TTC39B: variants seen among roughly 807,000 people sequenced by gnomAD.
TTC39B encodes tetratricopeptide repeat domain 39B.
In TTC39B, 92 loss-of-function variants were observed where a neutral mutation model predicts 96.6. That is an observed-to-expected ratio of 0.95 (90% CI 0.80 to 1.13). TTC39B has a LOEUF of 1.13. Ranked by LOEUF, TTC39B falls within the 50% of genes most tolerant of loss-of-function variation. TTC39B has a pLI of 0.00. For synonymous variants in TTC39B, 367 were observed against 299.4 expected (o/e 1.23, Z -2.33); for missense variants, 955 against 809.3 (o/e 1.18, Z -2.18).
chr9:15,235,930 C>G (rs112347975), intron 2 of TTC39B, among the ~76,000 whole-genome samples: 2 of 103,410 alleles, frequency 1.9e-5, no homozygotes, highest in Non-Finnish European at 4.7e-5. Context: ...AACTAGCTAA[C>G]AACACTATGA....
intron 3 of TTC39B, chr9:15,224,416 G>A (rs1299261698): frequency 1.3e-5 from 2 of 152,290 alleles, no homozygotes; most frequent in Non-Finnish European, 2.9e-5. Context: ...TGTAGCTCTT[G>A]TTTGAACGGT....
intron 3 of TTC39B, among the ~76,000 whole-genome samples, chr9:15,224,112 A>G (rs916136431): frequency 3.3e-5 from 5 of 152,220 alleles, no homozygotes; most frequent in Admixed American, 3.3e-4. Flanking sequence ...CACTCCTTCT[A>G]TTCACAGGCA....
intron 2 of TTC39B, among the ~76,000 whole-genome samples, chr9:15,259,919 G>C (rs1193804555): frequency 5.9e-5 from 9 of 152,164 alleles, no homozygotes; most frequent in African/African-American, 2.2e-4. Context: ...AATTAGATTA[G>C]TGGATGCCCC....
At chr9:15,199,892 G>A (rs749265441) in exon 8 of TTC39B, 3 of 1,541,932 alleles carry the variant, frequency 1.9e-6, no homozygotes, top group Non-Finnish European at 2.7e-6. Context: ...CTAATTTTGA[G>A]TCCACCTTTG....
At chr9:15,294,045 A>G (rs745542258) in intron 1 of TTC39B, among the ~76,000 whole-genome samples, 11 of 152,230 alleles carry the variant, frequency 7.2e-5, no homozygotes, top group Non-Finnish European at 1.2e-4. Flanking sequence ...TCATTGCTCA[A>G]TTGAACTCCT....
At chr9:15,305,046 C>T (rs1009938197) in intron 1 of TTC39B, among the ~76,000 whole-genome samples, 10 of 152,134 alleles carry the variant, frequency 6.6e-5, no homozygotes, top group South Asian at 2.1e-4. Flanking sequence ...TTCTTAAATA[C>T]GTGAAAAGCT....
intron 2 of TTC39B, among the ~76,000 whole-genome samples, chr9:15,226,915 C>A (rs926593473): frequency 4.0e-5 from 6 of 151,894 alleles, no homozygotes; most frequent in Non-Finnish European, 8.8e-5. Context: ...CAGAGAAGAG[C>A]TAGAGTCATT....
At chr9:15,260,292 C>A (rs1822898694) in intron 2 of TTC39B, among the ~76,000 whole-genome samples, 1 of 141,850 alleles carries the variant, frequency 7.0e-6, no homozygotes, top group Non-Finnish European at 1.5e-5. Context: ...TTTTTTTTTC[C>A]TTCCTTAGGA....
exon 20 of TTC39B, chr9:15,171,972 C>T (rs776309910): frequency 7.2e-7 from 1 of 1,392,688 alleles, no homozygotes; most frequent in Non-Finnish European, 1.0e-6. Context: ...GAATCTATAG[C>T]AGATGCCGAT....
chr9:15,199,215 C>T (rs1202852252), intron 8 of TTC39B, among the ~76,000 whole-genome samples: 1 of 152,190 alleles, frequency 6.6e-6, no homozygotes, highest in Non-Finnish European at 1.5e-5. Context: ...GAAAGTTCTA[C>T]TGGGCAGTGC....
intron 1 of TTC39B, among the ~76,000 whole-genome samples, chr9:15,294,343 C>A (rs1274629710): frequency 6.6e-6 from 1 of 152,176 alleles, no homozygotes; most frequent in Non-Finnish European, 1.5e-5. Context: ...CGTTCAGTAA[C>A]TGAACACAAA....
At chr9:15,190,481 G>T in intron 11 of TTC39B, 73 bp downstream of exon 11, 1 of 1,373,372 alleles carries the variant, frequency 7.3e-7, no homozygotes, top group Non-Finnish European at 1.0e-6. Context: ...AAGTAGTTGG[G>T]ATTACAGGTG....
At chr9:15,223,875 G>C (rs1317402069) in intron 3 of TTC39B, among the ~76,000 whole-genome samples, 1 of 149,864 alleles carries the variant, frequency 6.7e-6, no homozygotes, top group South Asian at 2.1e-4. Flanking sequence ...GAGTATTTTG[G>C]ATCTTTGGAT....
At chr9:15,192,741 G>A (rs771805822) in intron 8 of TTC39B, 46 bp from the exon 9 acceptor site, 11 of 1,291,180 alleles carry the variant, frequency 8.5e-6, no homozygotes, top group Non-Finnish European at 1.2e-5. Context: ...CCATGACTCT[G>A]AAAATAAATA....
intron 2 of TTC39B, chr9:15,232,475 G>A (rs1032690966): frequency 6.6e-6 from 1 of 152,192 alleles, no homozygotes; most frequent in African/African-American, 2.4e-5. Flanking sequence ...AAATCTAAAT[G>A]TTGTGACATC....
intron 7 of TTC39B, among the ~76,000 whole-genome samples, chr9:15,202,044 T>C (rs1432479868): frequency 6.6e-6 from 1 of 152,094 alleles, no homozygotes; most frequent in East Asian, 1.9e-4. Context: ...AGAACAATGA[T>C]AGGAAGAGAC....
intron 6 of TTC39B, among the ~76,000 whole-genome samples, chr9:15,207,637 T>A (rs1819939618): frequency 6.6e-6 from 1 of 152,100 alleles, no homozygotes; most frequent in African/African-American, 2.4e-5. Context: ...GATTGGTTAA[T>A]GTTAAGAAAA....
exon 20 of TTC39B, chr9:15,172,023 T>G (rs758212358): frequency 6.2e-7 from 1 of 1,611,400 alleles, no homozygotes; most frequent in Non-Finnish European, 8.5e-7. Context: ...TTCTGATCAA[T>G]CTGAGGAAGG....
chr9:15,284,317 C>T (rs1823875700), intron 1 of TTC39B, among the ~76,000 whole-genome samples: 1 of 152,128 alleles, frequency 6.6e-6, no homozygotes, highest in Non-Finnish European at 1.5e-5. Flanking sequence ...TTTAGAAGTC[C>T]GTTTTGCAGG....
Sources: gnomAD v4.1 joint callset for allele counts (sites outside exome capture counted in the v4.1 genomes callset) on GRCh38, gnomAD v4.1.1 for gene constraint, MANE v1.5 for transcripts, NCBI Gene and HGNC (gene_info 2026-07-23, HGNC 2026-07-21) for gene names.